Variants in FAM222A observed in about 807,000 individuals in gnomAD.
FAM222A encodes the protein family with sequence similarity 222 member A.
Under a neutral mutation model 25.8 loss-of-function variants are expected in FAM222A, and 7 were observed. The observed-to-expected ratio is 0.27, with a 90% CI of 0.15 to 0.51. The LOEUF (loss-of-function observed/expected upper bound fraction) is 0.51, where lower values mean the gene tolerates loss of function less well. Ranked by LOEUF, FAM222A falls within the 20% of genes least tolerant of loss-of-function variation. FAM222A has a pLI of 0.97. For missense variants in FAM222A, 573 were observed against 640.5 expected, an observed-to-expected ratio of 0.89 and a Z score of 1.14; for synonymous variants, 294 against 298.8, an observed-to-expected ratio of 0.98 and a Z score of 0.17.
At chr12:109,755,314 T>C (rs1888693156) in intron 2 of FAM222A, among the ~76,000 whole-genome samples, 1 of 52,932 alleles carries the variant, frequency 1.9e-5, no homozygotes, top group South Asian at 8.3e-4. Flanking sequence ...TTTTTTTTTT[T>C]TTTTTTTTTT....
At chr12:109,727,333 G>T (rs1887862298) in intron 1 of FAM222A, among the ~76,000 whole-genome samples, 1 of 152,118 alleles carries the variant, frequency 6.6e-6, no homozygotes, top group East Asian at 1.9e-4. Flanking sequence ...GGGAGGGGGT[G>T]CTGCCAGCTG....
At position 109,714,484 on chromosome 12, in the gene FAM222A, G is replaced by C. The variant is rs538011701; in HGVS notation, c.-460G>C. On this transcript the variant is annotated 5_prime_UTR_variant, in exon 1 of 3. Transcript: ENST00000538780. The surrounding 1 kb of genome is among the most constrained non-coding windows in gnomAD (Gnocchi z 4.2). ...AAGACAGGCTGCAGCTGGGGCTGGC[G>C]AAAGGGGCCGCGGCCGCCGGGCTCC... 1 of 152,038 alleles carries C rather than the reference G, an allele frequency of 6.6e-6. No homozygotes were observed. The highest frequency in any genetic ancestry group is 2.4e-5 in the African/African-American group (1 of 41,428). 9.4% of individuals were successfully genotyped at this position (152,038 alleles called of 1,614,324 possible).
Position 109,766,079 on chromosome 12 carries a change from C to T in FAM222A, c.83-1933C>T, listed in dbSNP as rs118187067. 5.3e-3 allele frequency among the ~76,000 whole-genome samples: 800 copies of T among 152,360 alleles called. 3 individuals carry two copies. The highest frequency in any genetic ancestry group is 0.01 in the Admixed American group (155 of 15,312). ...AGCTCCAAGCACCTATCATGTACCT[C>T]ACCCCCTACTGAGCCCCCGGCGCCT... On this transcript the variant is annotated intron_variant, in intron 2 of 2. Transcript: ENST00000538780.
intron 1 of FAM222A, among the ~76,000 whole-genome samples, chr12:109,730,309 TC>T (rs1190580218): frequency 7.5e-5 from 11 of 147,368 alleles, no homozygotes; most frequent in African/African-American, 1.8e-4. Context: ...TGCCTCAGTT[TC>T]CCCCCCTGCT....
chr12:109,760,528 C>A (rs1888862821), intron 2 of FAM222A, among the ~76,000 whole-genome samples: 1 of 152,182 alleles, frequency 6.6e-6, no homozygotes, highest in Non-Finnish European at 1.5e-5. Context: ...GACCACATCC[C>A]GCCCACCTGG....
At chr12:109,737,180 CCTT>C (rs756679063) in intron 1 of FAM222A, among the ~76,000 whole-genome samples, 4 of 152,042 alleles carry the variant, frequency 2.6e-5, no homozygotes, top group Admixed American at 6.5e-5. Flanking sequence ...TTTGAGCAGT[CCTT>C]CTGCTCAAAA....
intron 1 of FAM222A, among the ~76,000 whole-genome samples, chr12:109,739,918 A>C (rs1484007841): frequency 6.6e-6 from 1 of 152,204 alleles, no homozygotes; most frequent in Non-Finnish European, 1.5e-5. Context: ...TACAGAGGGC[A>C]GTCAATACAT....
chr12:109,725,057 A>G (rs908960095), intron 1 of FAM222A, among the ~76,000 whole-genome samples: 8 of 152,148 alleles, frequency 5.3e-5, no homozygotes, highest in African/African-American at 1.9e-4. Context: ...TCCCAAGGCC[A>G]TATAGCTGAA....
At chr12:109,718,837 G>T (rs2136315325) in intron 1 of FAM222A, among the ~76,000 whole-genome samples, 1 of 152,368 alleles carries the variant, frequency 6.6e-6, no homozygotes, top group African/African-American at 2.4e-5. Flanking sequence ...ATTTTAGTCT[G>T]CACGGGCTGG....
chr12:109,725,917 G>A (rs1241762893), intron 1 of FAM222A, among the ~76,000 whole-genome samples: 3 of 151,856 alleles, frequency 2.0e-5, no homozygotes, highest in Admixed American at 6.6e-5. Flanking sequence ...GATGGTGCGC[G>A]CCGGCTTAAT....
intron 2 of FAM222A, 94 bp from the exon 3 acceptor site, chr12:109,767,918 G>T: frequency 1.6e-6 from 2 of 1,240,904 alleles, no homozygotes; most frequent in East Asian, 2.4e-5. Context: ...TAAAATGAAT[G>T]GGAAATGAGT....
rs573357133 is a variant in FAM222A at position 109,713,859 on chromosome 12, C to T, written c.-1085C>T. Among the ~76,000 whole-genome samples the T allele has an allele frequency of 7.0e-3, 1,051 of 149,700 alleles. 9 individuals carry two copies. Among genetic ancestry groups the T allele is most frequent in the South Asian group, 0.024 (114 of 4,806 alleles). ...AGAGCGGAGCAGCGGGCAGGACTGCCTGGCCGGCTGCTCCGCGGAGAGGCT... is the reference window on the plus strand; with the variant it reads ...AGAGCGGAGCAGCGGGCAGGACTGCTTGGCCGGCTGCTCCGCGGAGAGGCT... On this transcript the variant is annotated 5_prime_UTR_variant, in exon 1 of 3. Coordinates refer to ENST00000538780, the MANE Select transcript of FAM222A (RefSeq NM_032829.3).
chr12:109,744,050 C>T (rs573778309), intron 1 of FAM222A, 51 bp from the exon 2 acceptor site: 7 of 1,496,456 alleles, frequency 4.7e-6, no homozygotes, highest in African/African-American at 2.8e-5. Context: ...TGGTGGGAGG[C>T]GAACACGGAG....
intron 1 of FAM222A, among the ~76,000 whole-genome samples, chr12:109,735,249 GTC>G (rs1478320091): frequency 6.6e-6 from 1 of 152,186 alleles, no homozygotes; most frequent in Admixed American, 6.5e-5. Flanking sequence ...CTCAAACCCT[GTC>G]TGGCCCAGGC....
chr12:109,769,362 G>A lies in FAM222A; in HGVS notation c.*74G>A, dbSNP rs375038441. ...AGGCAGGCCGCAGAACAGGGTGGGC[G>A]GCTCGCAGGGGCGCTCAGCCCCACC... On this transcript the variant is annotated 3_prime_UTR_variant, in exon 3 of 3. Transcript: ENST00000538780. 9.3e-5 allele frequency: 137 copies of A among 1,466,416 alleles called. No individual in the cohort carries two copies. The East Asian group carries it at 1.1e-3, about 11-fold the overall frequency. 90.8% of individuals were successfully genotyped at this position (1,466,416 alleles called of 1,614,324 possible). A position where few individuals can be genotyped will look rare whatever the true frequency, so the allele number is the denominator to read the frequency against.
intron 1 of FAM222A, among the ~76,000 whole-genome samples, chr12:109,727,725 G>A (rs1296378778): frequency 6.6e-6 from 1 of 152,186 alleles, no homozygotes; most frequent in African/African-American, 2.4e-5. Flanking sequence ...TTTGTGTCAT[G>A]CCCTGGGGTC....
At chr12:109,742,811 C>G (rs530516489) in intron 1 of FAM222A, among the ~76,000 whole-genome samples, 2 of 152,074 alleles carry the variant, frequency 1.3e-5, no homozygotes, top group African/African-American at 4.8e-5. Context: ...CCGGGAAATA[C>G]AAGATTGGAA....
chr12:109,735,579 T>G (rs1194236810), intron 1 of FAM222A: 2 of 152,250 alleles, frequency 1.3e-5, no homozygotes. Context: ...CCATCTCCAC[T>G]GTGGGTCTTA....
chr12:109,744,205 G>T lies in FAM222A; in HGVS notation c.59G>T (p.Ser20Ile), dbSNP rs1378467388. The T allele has an allele frequency of 6.2e-7, 1 of 1,613,314 alleles. No individual in the cohort carries two copies. ...NAPGQHLACP[S>I]KSLELRKCEA... Reference sequence around the variant, plus strand: ...CCGGGCCAACACCTGGCCTGCCCGAGCAAGAGCCTGGAGCTGCGCAAGTGT... The same window carrying T: ...CCGGGCCAACACCTGGCCTGCCCGATCAAGAGCCTGGAGCTGCGCAAGTGT... Residue 20 changes from serine to isoleucine, a missense_variant, in exon 2 of 3, where the codon AGC (serine) becomes ATC (isoleucine). Transcript: ENST00000538780.
Sources: gnomAD v4.1 joint callset for allele counts (sites outside exome capture counted in the v4.1 genomes callset) on GRCh38, gnomAD v4.1.1 for gene constraint, Gnocchi (gnomAD v3.1) non-coding constraint, MANE v1.5 for transcripts, NCBI Gene and HGNC (gene_info 2026-07-23, HGNC 2026-07-21) for gene names.